The following TANC2 variants were observed in gnomAD, a reference collection of about 807,000 sequenced individuals.
TANC2 encodes the protein tetratricopeptide repeat, ankyrin repeat and coiled-coil containing 2.
Under a neutral mutation model 210.5 loss-of-function variants are expected in TANC2, and 26 were observed. That is an observed-to-expected ratio of 0.12 (90% CI 0.09 to 0.17). The LOEUF (loss-of-function observed/expected upper bound fraction) is 0.17. Among genes scored for constraint, TANC2 ranks in the 10% least tolerant of loss-of-function variants. The probability of loss-of-function intolerance (pLI) is 1.00; values close to 1 mark genes in which losing one functional copy is unlikely to be tolerated. For missense variants in TANC2, 2,129 were observed against 2,608.9 expected, an observed-to-expected ratio of 0.82 and a Z score of 4.01; for synonymous variants, 931 against 967.1, an observed-to-expected ratio of 0.96 and a Z score of 0.69.
intron 5 of TANC2, among the ~76,000 whole-genome samples, chr17:63,190,168 CTACAAAAAAATTT>C (rs1237474076): frequency 6.6e-6 from 1 of 151,788 alleles, no homozygotes; most frequent in Non-Finnish European, 1.5e-5. Flanking sequence ...GGCACCATCT[CTACAAAAAAATTT>C]TTAAAAAAAT....
At chr17:63,073,870 G>T in intron 2 of TANC2, 73 bp from the exon 3 acceptor site, 1 of 1,212,390 alleles carries the variant, frequency 8.2e-7, no homozygotes, top group Non-Finnish European at 1.2e-6. Flanking sequence ...AGTTTTAAAT[G>T]TAGATAATGT....
At chr17:63,260,998 A>AAGTT (rs2043339518) in intron 8 of TANC2, among the ~76,000 whole-genome samples, 2 of 152,132 alleles carry the variant, frequency 1.3e-5, no homozygotes, top group South Asian at 4.1e-4. Flanking sequence ...TTGGGAGGCC[A>AAGTT]AGTTACAAGG....
chr17:63,379,704 C>A lies in TANC2; in HGVS notation c.2583-14C>A, dbSNP rs201881889. On this transcript the variant is annotated splice_polypyrimidine_tract_variant and intron_variant, in intron 14 of 27. Transcript: ENST00000689528. Reference sequence around the variant, plus strand: ...TAAATTAATTAATTAAAATGAATTTCTCTTTTTTTGCAGGAGTGGTCACAC... The same window carrying A: ...TAAATTAATTAATTAAAATGAATTTATCTTTTTTTGCAGGAGTGGTCACAC... 2 of 1,565,000 alleles carry A rather than the reference C, an allele frequency of 1.3e-6. No homozygotes were observed. The highest frequency in any genetic ancestry group is 1.9e-5 in the Admixed American group (1 of 52,504).
chr17:63,156,490 A>C (rs762632257), intron 5 of TANC2, among the ~76,000 whole-genome samples: 1 of 152,106 alleles, frequency 6.6e-6, no homozygotes, highest in African/African-American at 2.4e-5. Context: ...TAGTGGATAG[A>C]CTTGAGAGGA....
chr17:63,185,578 C>G (rs1168135223), intron 5 of TANC2, among the ~76,000 whole-genome samples: 1 of 152,102 alleles, frequency 6.6e-6, no homozygotes, highest in African/African-American at 2.4e-5. Context: ...TTTTTAAATG[C>G]CAAACCTTTT....
chr17:63,145,075 C>T (rs2039420955), intron 4 of TANC2, among the ~76,000 whole-genome samples: 1 of 151,608 alleles, frequency 6.6e-6, no homozygotes, highest in Non-Finnish European at 1.5e-5. Flanking sequence ...TTCTTGATCC[C>T]CCCACCATTT....
intron 5 of TANC2, among the ~76,000 whole-genome samples, chr17:63,164,580 A>G (rs2040143436): frequency 6.6e-6 from 1 of 152,126 alleles, no homozygotes; most frequent in Non-Finnish European, 1.5e-5. Context: ...TGTCTCAGGC[A>G]ATTATGAAGG....
In TANC2 at chr17:63,268,113, C is replaced by T. The variant is rs561376121; in HGVS notation, c.1159+240C>T. 1.6e-4 allele frequency among the ~76,000 whole-genome samples: 25 copies of T among 152,170 alleles called. No homozygotes were observed. In the South Asian group the frequency reaches 3.5e-3, roughly 21 times the overall value. ...TCAACATTTGGAAGCATTAGTTCCT[C>T]GAAATTCTGAAAGAAAACAGATGTA... On this transcript the variant is annotated intron_variant, in intron 9 of 27. Coordinates refer to ENST00000689528, the Ensembl canonical transcript of TANC2.
intron 9 of TANC2, among the ~76,000 whole-genome samples, chr17:63,282,338 A>T (rs1031921186): frequency 6.6e-6 from 1 of 152,124 alleles, no homozygotes; most frequent in African/African-American, 2.4e-5. Context: ...ATAAGAAAAT[A>T]TAAAGAGATA....
At chr17:63,281,131 G>A (rs560790104) in intron 9 of TANC2, among the ~76,000 whole-genome samples, 2 of 152,204 alleles carry the variant, frequency 1.3e-5, no homozygotes, top group South Asian at 2.1e-4. Flanking sequence ...ATGGAAGTGG[G>A]AAGTGAGTTT....
chr17:63,367,057 C>G (rs891815802), intron 14 of TANC2, among the ~76,000 whole-genome samples: 1 of 152,206 alleles, frequency 6.6e-6, no homozygotes, highest in African/African-American at 2.4e-5. Context: ...ATTTCACAGT[C>G]TTAACAGCGA....
chr17:63,241,541 C>T (rs1238615829), intron 8 of TANC2, among the ~76,000 whole-genome samples: 1 of 152,142 alleles, frequency 6.6e-6, no homozygotes, highest in African/African-American at 2.4e-5. Flanking sequence ...TTTATGGCTA[C>T]TTTGCTCTAC....
At chr17:62,977,825 G>A (rs2032095916) in intron 1 of TANC2, among the ~76,000 whole-genome samples, 1 of 152,038 alleles carries the variant, frequency 6.6e-6, no homozygotes, top group Admixed American at 6.5e-5. Flanking sequence ...CCTTGGAGTA[G>A]CCAACGTTAA....
At chr17:63,357,229 C>T (rs2046806738) in intron 14 of TANC2, among the ~76,000 whole-genome samples, 1 of 152,156 alleles carries the variant, frequency 6.6e-6, no homozygotes, top group Admixed American at 6.5e-5. Context: ...ACCTTAGATC[C>T]TGGGACATCT....
chr17:63,277,535 A>G (rs1326336688), intron 9 of TANC2, among the ~76,000 whole-genome samples: 1 of 152,012 alleles, frequency 6.6e-6, no homozygotes, highest in Non-Finnish European at 1.5e-5. Flanking sequence ...TATCATTGCC[A>G]GCATCCTTGT....
intron 3 of TANC2, among the ~76,000 whole-genome samples, chr17:63,094,511 A>T (rs933647510): frequency 2.0e-5 from 3 of 152,212 alleles, no homozygotes; most frequent in African/African-American, 7.2e-5. Context: ...TCACTGAATT[A>T]TCACAAGTGA....
At chr17:63,242,813 A>T (rs986492762) in intron 8 of TANC2, among the ~76,000 whole-genome samples, 1 of 152,196 alleles carries the variant, frequency 6.6e-6, no homozygotes, top group Non-Finnish European at 1.5e-5. Context: ...AGGGAAATGA[A>T]TTATGGATAC....
chr17:63,198,242 C>T (rs745341521), intron 6 of TANC2, among the ~76,000 whole-genome samples: 53 of 151,496 alleles, frequency 3.5e-4, no homozygotes, highest in Non-Finnish European at 6.5e-4. Context: ...GTTGCCCAGG[C>T]GGTAGTGCAG....
intron 7 of TANC2, among the ~76,000 whole-genome samples, chr17:63,215,796 C>G (rs1182852891): frequency 6.6e-6 from 1 of 151,828 alleles, no homozygotes; most frequent in African/African-American, 2.4e-5. Context: ...GTTGCCCAGG[C>G]TGGAGTTCAG....
Sources: allele counts gnomAD v4.1 joint callset (sites outside exome capture counted in the v4.1 genomes callset), GRCh38; gene constraint gnomAD v4.1.1; transcripts MANE v1.5; gene names NCBI Gene and HGNC (gene_info 2026-07-23, HGNC 2026-07-21).